Variants in HEMK2 observed in about 807,000 individuals in gnomAD.
The protein encoded by HEMK2 is methyltransferase HEMK2.
chr21:28,759,589 G>A, the HEMK2 span, among the ~76,000 whole-genome samples: 1 of 152,098 alleles, frequency 6.6e-6, no homozygotes, highest in South Asian at 2.1e-4. Flanking sequence ...GATTTGGGAG[G>A]GGCCGGGGGT....
At chr21:28,771,944 C>T in the HEMK2 span, among the ~76,000 whole-genome samples, 6 of 151,050 alleles carry the variant, frequency 4.0e-5, no homozygotes, top group East Asian at 1.2e-3. Context: ...CTGGAACATA[C>T]CATTTCTATG....
At chr21:28,602,631 T>C in the HEMK2 span, among the ~76,000 whole-genome samples, 1 of 152,192 alleles carries the variant, frequency 6.6e-6, no homozygotes, top group African/African-American at 2.4e-5. Flanking sequence ...AAACAAGGTC[T>C]AGGTCACAGT....
the HEMK2 span, among the ~76,000 whole-genome samples, chr21:28,858,768 G>A: frequency 6.6e-6 from 1 of 152,144 alleles, no homozygotes; most frequent in Non-Finnish European, 1.5e-5. Context: ...TTTTTTAAAA[G>A]GGACCATGCC....
At chr21:28,800,445 G>C in the HEMK2 span, among the ~76,000 whole-genome samples, 1 of 151,882 alleles carries the variant, frequency 6.6e-6, no homozygotes, top group African/African-American at 2.4e-5. Context: ...ATGTTTCCCT[G>C]CATTTGGCAG....
At chr21:28,796,365 C>T in the HEMK2 span, among the ~76,000 whole-genome samples, 1 of 152,164 alleles carries the variant, frequency 6.6e-6, no homozygotes, top group South Asian at 2.1e-4. Context: ...GTCTAGAACT[C>T]CTGACCTCAG....
the HEMK2 span, among the ~76,000 whole-genome samples, chr21:28,844,369 T>A: frequency 6.6e-6 from 1 of 152,076 alleles, no homozygotes; most frequent in Non-Finnish European, 1.5e-5. Flanking sequence ...GTGATGTAAG[T>A]CTACATATAT....
At chr21:28,876,745 A>G in the HEMK2 span, among the ~76,000 whole-genome samples, 1 of 152,124 alleles carries the variant, frequency 6.6e-6, no homozygotes, top group East Asian at 1.9e-4. Flanking sequence ...CTTTTGACTC[A>G]GCAGAAACAT....
the HEMK2 span, among the ~76,000 whole-genome samples, chr21:28,768,263 C>T: frequency 6.6e-6 from 1 of 152,080 alleles, no homozygotes; most frequent in Non-Finnish European, 1.5e-5. Context: ...CTCTACCTAA[C>T]CTAACTCTTG....
chr21:28,729,507 T>A, the HEMK2 span, among the ~76,000 whole-genome samples: 1 of 151,864 alleles, frequency 6.6e-6, no homozygotes, highest in Non-Finnish European at 1.5e-5. Flanking sequence ...GGATCCCAAC[T>A]ATTTCACTTG....
the HEMK2 span, among the ~76,000 whole-genome samples, chr21:28,669,246 C>G: frequency 1.3e-5 from 2 of 152,096 alleles, no homozygotes; most frequent in South Asian, 4.1e-4. Flanking sequence ...GTAATCCTAG[C>G]AACTCGGGAG....
At chr21:28,877,298 A>G in the HEMK2 span, among the ~76,000 whole-genome samples, 102 of 94,136 alleles carry the variant, frequency 1.1e-3, 1 homozygote, top group African/African-American at 3.3e-3. Flanking sequence ...GGAAGGAAGG[A>G]AGAGAGAGAG....
chr21:28,645,047 C>T, the HEMK2 span, among the ~76,000 whole-genome samples: 2 of 152,196 alleles, frequency 1.3e-5, no homozygotes, highest in Admixed American at 6.5e-5. Context: ...TACAGAGTTA[C>T]CTCCTTCTCC....
chr21:28,738,589 C>G, the HEMK2 span, among the ~76,000 whole-genome samples: 2 of 152,194 alleles, frequency 1.3e-5, no homozygotes, highest in African/African-American at 4.8e-5. Context: ...ACTTGGGTCT[C>G]CCTTTCTGTG....
the HEMK2 span, chr21:28,626,545 T>G: frequency 2.0e-5 from 3 of 151,772 alleles, no homozygotes; most frequent in Non-Finnish European, 2.9e-5. Context: ...AGACAAACAA[T>G]GCAATAAAGA....
chr21:28,663,972 C>T, the HEMK2 span, among the ~76,000 whole-genome samples: 1 of 152,172 alleles, frequency 6.6e-6, no homozygotes, highest in African/African-American at 2.4e-5. Flanking sequence ...TATATACATA[C>T]ATACGCATTG....
the HEMK2 span, among the ~76,000 whole-genome samples, chr21:28,676,631 C>T: frequency 2.9e-4 from 44 of 152,302 alleles, no homozygotes; most frequent in South Asian, 6.2e-4. Flanking sequence ...CAGAAGTTCG[C>T]GCCTTTGCAG....
At chr21:28,849,604 A>C in the HEMK2 span, among the ~76,000 whole-genome samples, 1 of 152,194 alleles carries the variant, frequency 6.6e-6, no homozygotes, top group African/African-American at 2.4e-5. Flanking sequence ...TCAAAACCCA[A>C]TCCAAGGAAT....
chr21:28,844,538 C>T, the HEMK2 span, among the ~76,000 whole-genome samples: 1 of 152,050 alleles, frequency 6.6e-6, no homozygotes, highest in Admixed American at 6.6e-5. Context: ...AACACATGGC[C>T]TTACATGTGA....
chr21:28,666,973 G>C, the HEMK2 span, among the ~76,000 whole-genome samples: 1 of 152,104 alleles, frequency 6.6e-6, no homozygotes, highest in East Asian at 1.9e-4. Flanking sequence ...ATGGAGCCCA[G>C]GACAACAGAA....
Sources: gnomAD v4.1 joint callset for allele counts (sites outside exome capture counted in the v4.1 genomes callset) on GRCh38, gnomAD v4.1.1 for gene constraint, MANE v1.5 for transcripts, NCBI Gene and HGNC (gene_info 2026-07-23, HGNC 2026-07-21) for gene names.